SNIP1: variants seen among roughly 807,000 people sequenced by gnomAD.
The protein encoded by SNIP1 is Smad nuclear interacting protein 1, also known as smad nuclear-interacting protein 1.
Under a neutral mutation model 37.4 loss-of-function variants are expected in SNIP1, and 23 were observed. The ratio of observed to expected loss-of-function variants is 0.61; its 90% CI spans 0.44 to 0.87. The LOEUF (loss-of-function observed/expected upper bound fraction) is 0.87. Among genes scored for constraint, SNIP1 ranks in the 40% least tolerant of loss-of-function variants. The probability of loss-of-function intolerance (pLI) is 0.00; values close to 1 mark genes in which losing one functional copy is unlikely to be tolerated. For missense variants in SNIP1, 459 were observed against 540.4 expected (o/e 0.85, Z 1.49); for synonymous variants, 174 against 200.0 (o/e 0.87, Z 1.10).
At position 37,540,426 on chromosome 1, in the gene SNIP1, G is replaced by A. The variant is rs763040806; in HGVS notation, c.657C>T (p.Pro219=). ...PGGNNKEKEV[P]AKEKPSFELS... is the part of the protein sequence containing the mutation. ...GTTCAAAGCTTGGTTTTTCTTTAGC[G>A]GGCACCTCTTTTTCTTTGTTGTTGC... The change falls in exon 3 of 4, where the codon CCC becomes CCT. Residue 219 remains proline (P), a synonymous_variant. Coordinates refer to ENST00000296215, the MANE Select transcript of SNIP1 (RefSeq NM_024700.4). The surrounding 1 kb of genome is among the most constrained non-coding windows in gnomAD (Gnocchi z 5.6). 32 of 1,613,906 alleles carry A rather than the reference G, an allele frequency of 2.0e-5. No individual in the cohort carries two copies. In the East Asian group the frequency reaches 2.9e-4, roughly 15 times the overall value.
intron 2 of SNIP1, chr1:37,544,648 C>A (rs1352657612): frequency 4.1e-6 from 2 of 490,128 alleles, no homozygotes; most frequent in Non-Finnish European, 7.6e-6. Context: ...CTCCGGCTGG[C>A]CGCCCATAGC....
At chr1:37,542,695 CCACCACTG>C (rs1405086344) in intron 2 of SNIP1, among the ~76,000 whole-genome samples, 2 of 151,862 alleles carry the variant, frequency 1.3e-5, no homozygotes, top group Non-Finnish European at 2.9e-5. Context: ...AGCCAAGATT[CCACCACTG>C]CACTACAGCC....
At chr1:37,543,908 AG>A (rs758291801) in intron 2 of SNIP1, among the ~76,000 whole-genome samples, 40 of 148,926 alleles carry the variant, frequency 2.7e-4, no homozygotes, top group South Asian at 1.3e-3. Flanking sequence ...TGGGAGGGCA[AG>A]GGGGGGGGCA....
intron 2 of SNIP1, chr1:37,552,362 T>TA (rs1226195614): frequency 7.9e-6 from 3 of 378,986 alleles, no homozygotes; most frequent in Admixed American, 8.2e-5. Context: ...TGAATAGATG[T>TA]TACCACTGGG....
At chr1:37,543,933 C>T (rs757732963) in intron 2 of SNIP1, among the ~76,000 whole-genome samples, 75 of 149,996 alleles carry the variant, frequency 5.0e-4, no homozygotes, top group Middle Eastern at 3.5e-3. Context: ...CACTTGAGGT[C>T]GGTCAGGAGT....
chr1:37,537,667 C>T lies in SNIP1; in HGVS notation c.*81G>A, dbSNP rs893322775. The T allele has an allele frequency of 1.4e-6, 2 of 1,463,962 alleles. No homozygotes were observed. The highest frequency in any genetic ancestry group is 1.4e-5 in the African/African-American group (1 of 71,376). The allele number at this position is 1,463,962 out of a possible 1,614,324, so 90.7% of individuals were successfully genotyped here. On this transcript the variant is annotated 3_prime_UTR_variant, in exon 4 of 4. Coordinates refer to ENST00000296215, the MANE Select transcript of SNIP1 (RefSeq NM_024700.4). ...TTACAGAGAGCACCATAGTGCTGGA[C>T]CCACCACCATAGTGCTCTCTGAGTC...
intron 1 of SNIP1, among the ~76,000 whole-genome samples, chr1:37,553,026 C>T (rs961018745): frequency 6.6e-6 from 1 of 152,192 alleles, no homozygotes; most frequent in African/African-American, 2.4e-5. Flanking sequence ...CTTGCCATCT[C>T]GCTGATTGGC....
rs561259410 is a variant in SNIP1, at chr1:37,535,491, T to G, written c.*2257A>C. Reference sequence around the variant, plus strand: ...TTCCTCTACTAAAATAAAAACTGACTAAACAATTAGGACTTCTTACTGAAA... The same window carrying G: ...TTCCTCTACTAAAATAAAAACTGACGAAACAATTAGGACTTCTTACTGAAA... On this transcript the variant is annotated 3_prime_UTR_variant, in exon 4 of 4. Transcript: ENST00000296215. 1 of 152,046 alleles carries G rather than the reference T, an allele frequency of 6.6e-6. No homozygotes were observed. The highest frequency in any genetic ancestry group is 2.1e-4 in the South Asian group (1 of 4,806). 9.4% of individuals were successfully genotyped at this position (152,046 alleles called of 1,614,324 possible). A position where few individuals can be genotyped will look rare whatever the true frequency, so the allele number is the denominator to read the frequency against.
In SNIP1 at chr1:37,536,624, A is replaced by C. The variant is rs1000876352; in HGVS notation, c.*1124T>G. ...TCAAATGCAGGGAGGCCTTTGCCTA[A>C]CATTGTCATATGAAAATCAGTATCA... On this transcript the variant is annotated 3_prime_UTR_variant, in exon 4 of 4. Transcript: ENST00000296215. 2.6e-5 allele frequency: 4 copies of C among 152,600 alleles called. No homozygotes were observed. The highest frequency in any genetic ancestry group is 5.9e-5 in the Non-Finnish European group (4 of 68,046). 9.5% of individuals were successfully genotyped at this position (152,600 alleles called of 1,614,324 possible).
At chr1:37,552,892 C>A in intron 1 of SNIP1, 145 bp from the exon 2 acceptor site, 1 of 678,428 alleles carries the variant, frequency 1.5e-6, no homozygotes, top group Non-Finnish European at 2.7e-6. Context: ...ACGAGGTTCA[C>A]TTTCCTAGCC....
intron 2 of SNIP1, among the ~76,000 whole-genome samples, chr1:37,551,325 C>T (rs367654809): frequency 1.2e-4 from 18 of 150,072 alleles, no homozygotes; most frequent in African/African-American, 4.2e-4. Context: ...TACCACTACA[C>T]GCCTATCAGA....
At chr1:37,543,910 G>GGC (rs1553165937) in intron 2 of SNIP1, among the ~76,000 whole-genome samples, 2 of 151,410 alleles carry the variant, frequency 1.3e-5, no homozygotes, top group African/African-American at 4.9e-5. Flanking sequence ...GGAGGGCAAG[G>GGC]GGGGGGGCAG....
In SNIP1 at chr1:37,535,897, CT is replaced by C. The variant is rs1373488222; in HGVS notation, c.*1850del. 1.3e-5 allele frequency: 2 copies of C among 152,128 alleles called. No homozygotes were observed. Among genetic ancestry groups the C allele is most frequent in the African/African-American group, 4.8e-5 (2 of 41,390 alleles). 9.4% of individuals were successfully genotyped at this position (152,128 alleles called of 1,614,324 possible). A position where few individuals can be genotyped will look rare whatever the true frequency, so the allele number is the denominator to read the frequency against. Reference sequence around the variant, plus strand: ...AATCTCAGCTCGCTGCAACCTCCACCTCCCGGGTTCAAGCGATTCTCCTGCC... The same window carrying C: ...AATCTCAGCTCGCTGCAACCTCCACCCCCGGGTTCAAGCGATTCTCCTGCC... On this transcript the variant is annotated 3_prime_UTR_variant, in exon 4 of 4. Coordinates refer to ENST00000296215, the MANE Select transcript of SNIP1 (RefSeq NM_024700.4).
intron 2 of SNIP1, among the ~76,000 whole-genome samples, chr1:37,547,578 A>G (rs1643255456): frequency 6.6e-6 from 1 of 151,878 alleles, no homozygotes; most frequent in African/African-American, 2.4e-5. Context: ...TACTAAAAAT[A>G]CAAAAATTAG....
chr1:37,552,309 G>A (rs1233770178), intron 2 of SNIP1, among the ~76,000 whole-genome samples: 2 of 152,114 alleles, frequency 1.3e-5, no homozygotes, highest in East Asian at 1.9e-4. Flanking sequence ...TGACTATATC[G>A]ATGTCAATAT....
chr1:37,540,914 T>C lies in SNIP1; in HGVS notation c.328-159A>G. On this transcript the variant is annotated intron_variant, in intron 2 of 3. Coordinates refer to ENST00000296215, the MANE Select transcript of SNIP1 (RefSeq NM_024700.4). This position sits in a 1 kb window ranked among gnomAD's most constrained non-coding sequence, Gnocchi z 5.6. ...ACAGAAATAAGATTATGTCTGGTGG[T>C]TATGTTCCCTCGCAAGGCCACAAAG... is the stretch of plus-strand genomic sequence containing the variant. 2 of 661,878 alleles carry C rather than the reference T, an allele frequency of 3.0e-6. No homozygotes were observed. Among genetic ancestry groups the C allele is most frequent in the South Asian group, 4.5e-5 (2 of 44,222 alleles). The allele number at this position is 661,878 out of a possible 1,614,324, so 41.0% of individuals were successfully genotyped here. A position where few individuals can be genotyped will look rare whatever the true frequency, so the allele number is the denominator to read the frequency against.
rs1411002696 is a variant in SNIP1 at position 37,554,099 on chromosome 1, C to T, written c.131G>A (p.Arg44His). 1.9e-6 allele frequency: 3 copies of T among 1,610,754 alleles called. No homozygotes were observed. The African/African-American group carries it at 4.0e-5, about 22-fold the overall frequency. ...GCTACCACCGGAGTGGTCCGGACGGCGGTGGGCGGGAGGTGCGACTTCTGG... is the reference window on the plus strand; with the variant it reads ...GCTACCACCGGAGTGGTCCGGACGGTGGTGGGCGGGAGGTGCGACTTCTGG... ...LSPEVAPPAH[R>H]RPDHSGGSPS... Residue 44 changes from arginine (R) to histidine (H), a missense_variant, in exon 1 of 4, where the codon CGC becomes CAC. By Grantham distance (29) the Arg-to-His change is conservative. Coordinates refer to ENST00000296215, the MANE Select transcript of SNIP1 (RefSeq NM_024700.4).
At chr1:37,546,637 G>A (rs1179551421) in intron 2 of SNIP1, among the ~76,000 whole-genome samples, 2 of 152,002 alleles carry the variant, frequency 1.3e-5, no homozygotes, top group Non-Finnish European at 2.9e-5. Flanking sequence ...TTGCACCACT[G>A]CACTCCAGCC....
rs1467008605 is a variant in SNIP1 at position 37,537,374 on chromosome 1, G to A, written c.*374C>T. The A allele has an allele frequency of 5.4e-6, 1 of 184,232 alleles. No homozygotes were observed. The highest frequency in any genetic ancestry group is 1.4e-4 in the East Asian group (1 of 6,926). The allele number at this position is 184,232 out of a possible 1,614,324, so 11.4% of individuals were successfully genotyped here. A position where few individuals can be genotyped will look rare whatever the true frequency, so the allele number is the denominator to read the frequency against. The stretch of plus-strand genomic sequence containing the variant: ...AAAGCTTAACACCTATATAAATAAA[G>A]TAACTGTACAAAGAGAACAAGCCAT... On this transcript the variant is annotated 3_prime_UTR_variant, in exon 4 of 4. Coordinates refer to ENST00000296215, the MANE Select transcript of SNIP1 (RefSeq NM_024700.4).
Sources: allele counts gnomAD v4.1 joint callset (sites outside exome capture counted in the v4.1 genomes callset), GRCh38; gene constraint gnomAD v4.1.1; non-coding constraint Gnocchi (gnomAD v3.1); transcripts MANE v1.5; gene names NCBI Gene and HGNC (gene_info 2026-07-23, HGNC 2026-07-21).